Variants in ANKS1B observed in about 807,000 individuals in gnomAD.
ANKS1B encodes the protein ankyrin repeat and sterile alpha motif domain containing 1B.
In ANKS1B, 36 loss-of-function variants were observed where a neutral mutation model predicts 148.3. The ratio of observed to expected loss-of-function variants is 0.24; its 90% confidence interval spans 0.19 to 0.32. The LOEUF is 0.32. ANKS1B is among the 10% of genes least tolerant of loss of function. The pLI is 1.00. For missense variants in ANKS1B, 1,157 were observed against 1,542.6 expected (o/e 0.75, Z 4.19); for synonymous variants, 542 against 560.8 (o/e 0.97, Z 0.47).
At chr12:98,755,511 A>G (rs1376286924) in intron 25 of ANKS1B, among the ~76,000 whole-genome samples, 14 of 152,298 alleles carry the variant, frequency 9.2e-5, no homozygotes, top group African/African-American at 1.9e-4. Context: ...TTGCTTGCTG[A>G]ATGAATGAAT....
intron 9 of ANKS1B, among the ~76,000 whole-genome samples, chr12:99,638,274 C>T (rs1237861056): frequency 6.6e-6 from 1 of 152,052 alleles, no homozygotes; most frequent in African/African-American, 2.4e-5. Flanking sequence ...TCTGCAACTT[C>T]CTAGAGACTT....
chr12:99,592,480 GAAA>G (rs60935160), intron 9 of ANKS1B, among the ~76,000 whole-genome samples: 1 of 130,630 alleles, frequency 7.7e-6, no homozygotes, highest in Non-Finnish European at 1.6e-5. Context: ...GATTGGAAAT[GAAA>G]AAAAAAAAAG....
At chr12:98,814,633 T>A (rs1035737986) in intron 19 of ANKS1B, among the ~76,000 whole-genome samples, 1 of 152,332 alleles carries the variant, frequency 6.6e-6, no homozygotes, top group African/African-American at 2.4e-5. Context: ...AGGCTGCTTG[T>A]AGAGCTTAGA....
chr12:99,793,782 C>G lies in ANKS1B; in HGVS notation c.670-11685G>C, dbSNP rs187792490. ...CTCGGCAAAGATTTCTTGAGTAATA[C>G]CCCACAAGTACAAACAACCAAAGCA... On this transcript the variant is annotated intron_variant, in intron 4 of 26. Transcript: ENST00000683438. Among the ~76,000 whole-genome samples the G allele has an allele frequency of 2.6e-3, 391 of 151,980 alleles. 1 individual carries two copies. The highest frequency in any genetic ancestry group is 8.9e-3 in the African/African-American group (370 of 41,494).
At chr12:99,626,378 A>G (rs1242188197) in intron 9 of ANKS1B, among the ~76,000 whole-genome samples, 2 of 152,188 alleles carry the variant, frequency 1.3e-5, no homozygotes, top group Non-Finnish European at 2.9e-5. Context: ...GGTGACAATG[A>G]CAAATTGCTC....
At chr12:99,471,895 T>A (rs2096248255) in intron 10 of ANKS1B, among the ~76,000 whole-genome samples, 1 of 152,136 alleles carries the variant, frequency 6.6e-6, no homozygotes, top group Non-Finnish European at 1.5e-5. Flanking sequence ...TAGCATGAAA[T>A]GCCCTGTTTT....
chr12:98,841,444 A>G (rs1375932231), intron 17 of ANKS1B, among the ~76,000 whole-genome samples: 1 of 152,072 alleles, frequency 6.6e-6, no homozygotes, highest in Non-Finnish European at 1.5e-5. Flanking sequence ...GGCATATAAC[A>G]CCCTCCATCA....
intron 12 of ANKS1B, among the ~76,000 whole-genome samples, chr12:99,326,640 C>T (rs531199300): frequency 4.1e-4 from 62 of 152,060 alleles, no homozygotes; most frequent in Middle Eastern, 3.4e-3. Flanking sequence ...GATATTGTTA[C>T]GTAAAAAGTG....
chr12:99,857,868 C>A (rs2089420991), intron 1 of ANKS1B, among the ~76,000 whole-genome samples: 1 of 152,160 alleles, frequency 6.6e-6, no homozygotes, highest in African/African-American at 2.4e-5. Context: ...TTGTCTCTCA[C>A]CTTACACAAA....
At chr12:99,976,684 C>T (rs2095633481) in intron 1 of ANKS1B, among the ~76,000 whole-genome samples, 1 of 152,140 alleles carries the variant, frequency 6.6e-6, no homozygotes, top group South Asian at 2.1e-4. Flanking sequence ...TACTGCACAG[C>T]TTAATCAAAG....
At chr12:98,904,929 G>A (rs1054971888) in intron 17 of ANKS1B, among the ~76,000 whole-genome samples, 8 of 151,966 alleles carry the variant, frequency 5.3e-5, no homozygotes, top group African/African-American at 1.7e-4. Flanking sequence ...AGATCAAGCA[G>A]CATTAGAATT....
chr12:99,384,058 T>A (rs1395130140), intron 12 of ANKS1B, among the ~76,000 whole-genome samples: 5 of 152,008 alleles, frequency 3.3e-5, no homozygotes, highest in Non-Finnish European at 7.4e-5. Context: ...TGGTATAACG[T>A]CAACATTTTC....
chr12:99,105,601 T>C (rs1350447293), intron 15 of ANKS1B, among the ~76,000 whole-genome samples: 1 of 151,710 alleles, frequency 6.6e-6, no homozygotes, highest in Non-Finnish European at 1.5e-5. Flanking sequence ...ACCCCATCTC[T>C]ACTAAAAAAT....
At chr12:99,708,570 G>A (rs1481024302) in intron 8 of ANKS1B, among the ~76,000 whole-genome samples, 1 of 152,124 alleles carries the variant, frequency 6.6e-6, no homozygotes, top group Non-Finnish European at 1.5e-5. Flanking sequence ...TAGTGGCTAT[G>A]CTATGGGTAT....
chr12:99,543,777 C>A (rs1469882909), intron 9 of ANKS1B, among the ~76,000 whole-genome samples: 1 of 152,050 alleles, frequency 6.6e-6, no homozygotes, highest in Non-Finnish European at 1.5e-5. Context: ...TACACGATTT[C>A]ATTTATATGG....
intron 14 of ANKS1B, among the ~76,000 whole-genome samples, chr12:99,233,312 A>G (rs919342627): frequency 5.3e-5 from 8 of 152,136 alleles, no homozygotes; most frequent in African/African-American, 1.4e-4. Flanking sequence ...TAGGGTGGTT[A>G]TTAAAAATCT....
intron 15 of ANKS1B, among the ~76,000 whole-genome samples, chr12:99,152,330 G>C (rs2075152303): frequency 6.6e-6 from 1 of 152,030 alleles, no homozygotes; most frequent in Non-Finnish European, 1.5e-5. Context: ...GTCTCATGAA[G>C]AAAGTATTTG....
rs369501491 is a variant in ANKS1B at position 99,391,226 on chromosome 12, G to A, written c.1756+8405C>T. 1.4e-4 allele frequency among the ~76,000 whole-genome samples: 21 copies of A among 152,212 alleles called. No homozygotes were observed. The East Asian group carries it at 3.1e-3, about 22-fold the overall frequency. ...TTCACAGAGAAAATAAGAGCCACCG[G>A]ACAGTAAAATGCAAATCAGATCATC... is the stretch of plus-strand genomic sequence containing the variant. On this transcript the variant is annotated intron_variant, in intron 12 of 26. Transcript: ENST00000683438.
intron 17 of ANKS1B, among the ~76,000 whole-genome samples, chr12:98,889,749 T>C (rs904926185): frequency 6.6e-6 from 1 of 152,246 alleles, no homozygotes; most frequent in African/African-American, 2.4e-5. Context: ...ACCATTAAAT[T>C]AGAATAATGT....
Sources: allele counts gnomAD v4.1 joint callset (sites outside exome capture counted in the v4.1 genomes callset), GRCh38; gene constraint gnomAD v4.1.1; transcripts MANE v1.5; gene names NCBI Gene and HGNC (gene_info 2026-07-23, HGNC 2026-07-21).